The following LRP1B variants were observed in gnomAD, a reference collection of about 807,000 sequenced individuals.
LRP1B encodes the protein LDL receptor related protein 1B, also known as low-density lipoprotein receptor-related protein 1B.
In LRP1B, 217 loss-of-function variants were observed where a neutral mutation model predicts 556.6. That is an observed-to-expected ratio of 0.39 (90% CI 0.35 to 0.44). The LOEUF is 0.44. Ranked by LOEUF, LRP1B falls within the 20% of genes least tolerant of loss-of-function variation. LRP1B has a pLI of 1.00. For missense variants in LRP1B, 5,053 were observed against 5,620.8 expected (o/e 0.90, Z 3.23); for synonymous variants, 2,047 against 1,865.8 (o/e 1.10, Z -2.50).
chr2:140,669,940 A>G (rs1286066356), intron 41 of LRP1B, among the ~76,000 whole-genome samples: 1 of 152,166 alleles, frequency 6.6e-6, no homozygotes, highest in African/African-American at 2.4e-5. Context: ...TGAATCTTGT[A>G]GAGACAGTAC....
intron 1 of LRP1B, among the ~76,000 whole-genome samples, chr2:141,853,923 A>C (rs1041250611): frequency 6.6e-6 from 1 of 152,044 alleles, no homozygotes; most frequent in Non-Finnish European, 1.5e-5. Flanking sequence ...AGCCAGATAA[A>C]TATTCCAATT....
At chr2:140,404,048 A>G (rs1272135521) in intron 66 of LRP1B, among the ~76,000 whole-genome samples, 1 of 152,158 alleles carries the variant, frequency 6.6e-6, no homozygotes, top group Admixed American at 6.6e-5. Flanking sequence ...GAAAAATAAA[A>G]TCATTTTTAA....
At chr2:140,533,569 T>G (rs1330258091) in intron 47 of LRP1B, among the ~76,000 whole-genome samples, 1 of 152,026 alleles carries the variant, frequency 6.6e-6, no homozygotes, top group Non-Finnish European at 1.5e-5. Context: ...TGGATTGAAA[T>G]GGAAGATATT....
chr2:140,519,156 A>G (rs1690045322), intron 49 of LRP1B, among the ~76,000 whole-genome samples: 1 of 152,154 alleles, frequency 6.6e-6, no homozygotes, highest in South Asian at 2.1e-4. Context: ...TTGCCAAGAC[A>G]ATCCTAAGCA....
At chr2:141,121,149 A>G (rs1488410373) in intron 7 of LRP1B, among the ~76,000 whole-genome samples, 2 of 152,002 alleles carry the variant, frequency 1.3e-5, no homozygotes, top group Admixed American at 1.3e-4. Flanking sequence ...TTCCTCATCC[A>G]TGAAATGAAA....
At chr2:141,178,544 T>C (rs1277295480) in intron 7 of LRP1B, among the ~76,000 whole-genome samples, 1 of 152,118 alleles carries the variant, frequency 6.6e-6, no homozygotes, top group African/African-American at 2.4e-5. Context: ...GATCCTGTAT[T>C]TTGACCTAAA....
chr2:141,282,376 A>G (rs1337244792), intron 3 of LRP1B, among the ~76,000 whole-genome samples: 2 of 151,962 alleles, frequency 1.3e-5, no homozygotes, highest in African/African-American at 4.8e-5. Context: ...GACTGATGGC[A>G]TAATTCATAA....
chr2:140,495,989 C>T (rs1036027506), intron 55 of LRP1B, among the ~76,000 whole-genome samples: 17 of 152,086 alleles, frequency 1.1e-4, no homozygotes, highest in African/African-American at 4.1e-4. Flanking sequence ...AGTTAATTGA[C>T]ATTGCTAAGG....
At chr2:141,089,838 G>T (rs1700134099) in intron 7 of LRP1B, among the ~76,000 whole-genome samples, 1 of 152,200 alleles carries the variant, frequency 6.6e-6, no homozygotes, top group Non-Finnish European at 1.5e-5. Flanking sequence ...CGCCAAAGAA[G>T]AATAGGTGCT....
intron 25 of LRP1B, among the ~76,000 whole-genome samples, chr2:140,881,079 T>C (rs1178537106): frequency 3.3e-5 from 5 of 152,188 alleles, no homozygotes; most frequent in Non-Finnish European, 5.9e-5. Flanking sequence ...TTTAAATTAC[T>C]TTGAAGCTCA....
intron 2 of LRP1B, among the ~76,000 whole-genome samples, chr2:141,554,372 A>T (rs541813600): frequency 6.7e-6 from 1 of 149,702 alleles, no homozygotes; most frequent in Admixed American, 6.7e-5. Context: ...TATAGATTAT[A>T]TATCTATAGG....
intron 14 of LRP1B, among the ~76,000 whole-genome samples, chr2:141,010,799 A>G (rs973735000): frequency 1.3e-5 from 2 of 151,974 alleles, no homozygotes; most frequent in Non-Finnish European, 2.9e-5. Flanking sequence ...TACAGGCATT[A>G]GCCTCTGTGC....
Position 140,698,243 on chromosome 2 carries a change from G to A in LRP1B, c.6799+2007C>T, listed in dbSNP as rs796883698. ...CATTTTCTGAATGCTTAGCCCAGAA[G>A]AGTAATTTTCAGTCTTTTTGATCTG... On this transcript the variant is annotated intron_variant, in intron 41 of 90. Coordinates refer to ENST00000389484, the MANE Select transcript of LRP1B (RefSeq NM_018557.3). Among the ~76,000 whole-genome samples the A allele has an allele frequency of 3.8e-4, 57 of 151,982 alleles. 1 individual carries two copies. The highest frequency in any genetic ancestry group is 1.3e-3 in the African/African-American group (55 of 41,482).
At chr2:141,849,676 CCTTTAAATA>C (rs1258691016) in intron 1 of LRP1B, among the ~76,000 whole-genome samples, 4 of 151,456 alleles carry the variant, frequency 2.6e-5, no homozygotes, top group African/African-American at 9.7e-5. Context: ...TTAAATATGG[CCTTTAAATA>C]CTTTAAATGA....
rs376275223 is a variant in LRP1B, at chr2:141,921,087, C to A, written c.83-110686G>T. 7.2e-5 allele frequency among the ~76,000 whole-genome samples: 11 copies of A among 152,068 alleles called. No individual in the cohort carries two copies. In the East Asian group the frequency reaches 1.4e-3, roughly 19 times the overall value. On this transcript the variant is annotated intron_variant, in intron 1 of 90. Coordinates refer to ENST00000389484, the MANE Select transcript of LRP1B (RefSeq NM_018557.3). The stretch of plus-strand genomic sequence containing the variant: ...AAGCATTATTTTAGGAAGCTATGTT[C>A]TTTTGATAACAAATTACTTTCCTTA...
intron 2 of LRP1B, among the ~76,000 whole-genome samples, chr2:141,556,379 A>C (rs1488842780): frequency 1.3e-5 from 2 of 151,946 alleles, no homozygotes; most frequent in African/African-American, 4.8e-5. Context: ...TTAGAAACAG[A>C]GCTTCCACTG....
chr2:140,654,249 T>C (rs1684793869), intron 41 of LRP1B, among the ~76,000 whole-genome samples: 2 of 152,130 alleles, frequency 1.3e-5, no homozygotes, highest in South Asian at 4.1e-4. Context: ...CTTCAATGAA[T>C]CTGGATTACT....
chr2:140,351,514 GCTTA>G (rs1681958593), intron 76 of LRP1B, among the ~76,000 whole-genome samples: 1 of 151,868 alleles, frequency 6.6e-6, no homozygotes, highest in Admixed American at 6.6e-5. Flanking sequence ...CATCTTAAAT[GCTTA>G]CTAACTTTTA....
chr2:141,747,158 C>T (rs1693945913), intron 2 of LRP1B, among the ~76,000 whole-genome samples: 1 of 152,008 alleles, frequency 6.6e-6, no homozygotes, highest in Admixed American at 6.6e-5. Flanking sequence ...TTTTAAAAAC[C>T]ACACAAACAG....
Sources: gnomAD v4.1 joint callset for allele counts (sites outside exome capture counted in the v4.1 genomes callset) on GRCh38, gnomAD v4.1.1 for gene constraint, MANE v1.5 for transcripts, NCBI Gene and HGNC (gene_info 2026-07-23, HGNC 2026-07-21) for gene names.